The following CHCHD6 variants were observed in gnomAD, a reference collection of about 807,000 sequenced individuals.
CHCHD6 encodes the protein coiled-coil-helix-coiled-coil-helix domain containing 6.
Under a neutral mutation model 32.3 loss-of-function variants are expected in CHCHD6, and 28 were observed. The observed-to-expected ratio is 0.87, with a 90% CI of 0.64 to 1.19. The LOEUF is 1.19. CHCHD6 is among the 50% of genes most tolerant of loss of function. CHCHD6 has a pLI of 0.00. For missense variants in CHCHD6, 333 were observed against 307.0 expected, an observed-to-expected ratio of 1.08 and a Z score of -0.63; for synonymous variants, 122 against 117.5, an observed-to-expected ratio of 1.04 and a Z score of -0.25.
chr3:126,807,114 G>T (rs1939428101), intron 4 of CHCHD6, among the ~76,000 whole-genome samples: 2 of 150,250 alleles, frequency 1.3e-5, no homozygotes, highest in African/African-American at 2.5e-5. Flanking sequence ...GGAGTTAATG[G>T]GTGCAGCACA....
At chr3:126,720,875 C>T (rs1488952123) in intron 1 of CHCHD6, among the ~76,000 whole-genome samples, 3 of 152,206 alleles carry the variant, frequency 2.0e-5, no homozygotes, top group Non-Finnish European at 4.4e-5. Flanking sequence ...CTCCCATACA[C>T]TGACTCACTC....
At chr3:126,767,093 G>A in intron 4 of CHCHD6, 1 of 1,285,430 alleles carries the variant, frequency 7.8e-7, no homozygotes, top group South Asian at 1.2e-5. Flanking sequence ...CCGTGCCCGG[G>A]CGATGAACTT....
At chr3:126,911,159 G>A (rs1005521937) in intron 5 of CHCHD6, among the ~76,000 whole-genome samples, 7 of 152,208 alleles carry the variant, frequency 4.6e-5, no homozygotes, top group African/African-American at 1.7e-4. Flanking sequence ...GTGCCCCACA[G>A]CACCTGGGAG....
At chr3:126,763,580 A>C (rs1347526227) in intron 4 of CHCHD6, among the ~76,000 whole-genome samples, 1 of 152,032 alleles carries the variant, frequency 6.6e-6, no homozygotes, top group Non-Finnish European at 1.5e-5. Flanking sequence ...GCCTCAAGTG[A>C]TCCTCTTGCC....
At chr3:126,935,689 C>G (rs1361188501) in intron 6 of CHCHD6, among the ~76,000 whole-genome samples, 2 of 152,164 alleles carry the variant, frequency 1.3e-5, no homozygotes, top group African/African-American at 4.8e-5. Context: ...TAATACAAAG[C>G]TTGAGGCTAG....
At chr3:126,840,796 A>G (rs558914279) in intron 4 of CHCHD6, among the ~76,000 whole-genome samples, 3 of 152,110 alleles carry the variant, frequency 2.0e-5, no homozygotes, top group Admixed American at 1.3e-4. Flanking sequence ...CTTCACTGCA[A>G]CCTCTTGAAA....
intron 5 of CHCHD6, among the ~76,000 whole-genome samples, chr3:126,856,146 A>AC (rs1351281831): frequency 6.6e-6 from 1 of 152,064 alleles, no homozygotes; most frequent in Non-Finnish European, 1.5e-5. Flanking sequence ...AAACAAACAA[A>AC]AAAAATCACA....
intron 4 of CHCHD6, among the ~76,000 whole-genome samples, chr3:126,737,418 A>ATATT (rs1426914783): frequency 1.4e-5 from 2 of 147,512 alleles, no homozygotes; most frequent in East Asian, 2.0e-4. Flanking sequence ...ATATATATAT[A>ATATT]TGCACACAAA....
chr3:126,842,692 G>C (rs897069421), intron 4 of CHCHD6, among the ~76,000 whole-genome samples: 20 of 151,922 alleles, frequency 1.3e-4, no homozygotes, highest in African/African-American at 3.6e-4. Flanking sequence ...TTTAAACGTA[G>C]AACTTTTATT....
intron 5 of CHCHD6, among the ~76,000 whole-genome samples, chr3:126,861,013 T>C (rs1046432570): frequency 1.3e-5 from 2 of 152,176 alleles, no homozygotes; most frequent in African/African-American, 4.8e-5. Flanking sequence ...ACTGGCCTTA[T>C]AGAGATGATG....
intron 1 of CHCHD6, among the ~76,000 whole-genome samples, chr3:126,723,230 C>CTATTAT (rs140780577): frequency 6.6e-6 from 1 of 151,820 alleles, no homozygotes; most frequent in Admixed American, 6.6e-5. Context: ...TACAGGGACT[C>CTATTAT]TATTATTATT....
At chr3:126,783,716 A>G (rs1236820330) in intron 4 of CHCHD6, among the ~76,000 whole-genome samples, 2 of 150,166 alleles carry the variant, frequency 1.3e-5, no homozygotes, top group Non-Finnish European at 2.9e-5. Context: ...ATGTTTTTCC[A>G]TTAGTGAGGC....
chr3:126,863,938 TCCACCATCA>T lies in CHCHD6; in HGVS notation c.495+11214_495+11222del, dbSNP rs145812554. On this transcript the variant is annotated intron_variant, in intron 5 of 7. Coordinates refer to ENST00000290913, the MANE Select transcript of CHCHD6 (RefSeq NM_032343.3). ...CTCCACCATCGACACCTCCTCCTTC[TCCACCATCA>T]CCACCTCCTCCTCCACCATCACCAC... Among the ~76,000 whole-genome samples the T allele has an allele frequency of 7.5e-3, 864 of 115,886 alleles. 13 individuals are homozygous for T. Among genetic ancestry groups the T allele is most frequent in the African/African-American group, 0.028 (800 of 28,852 alleles). 76.0% of individuals were successfully genotyped at this position (115,886 alleles called of 152,430 possible).
chr3:126,765,579 A>G (rs963830635), intron 4 of CHCHD6, among the ~76,000 whole-genome samples: 2 of 152,248 alleles, frequency 1.3e-5, no homozygotes, highest in African/African-American at 4.8e-5. Context: ...AGGGGAAAAA[A>G]GGAGACCAAA....
At chr3:126,865,587 TAC>T in intron 5 of CHCHD6, 1 of 985,310 alleles carries the variant, frequency 1.0e-6, no homozygotes, top group African/African-American at 1.7e-5. Context: ...CCTCTTCCTC[TAC>T]CACCTCCACA....
intron 4 of CHCHD6, among the ~76,000 whole-genome samples, chr3:126,757,054 C>T (rs73201771): frequency 5.1e-4 from 77 of 152,274 alleles, no homozygotes; most frequent in Middle Eastern, 3.4e-3. Context: ...AACAACCACA[C>T]GCGTATTTGT....
chr3:126,762,012 A>G (rs1334208548), intron 4 of CHCHD6, among the ~76,000 whole-genome samples: 1 of 151,810 alleles, frequency 6.6e-6, no homozygotes, highest in Non-Finnish European at 1.5e-5. Context: ...TTTATTTCTT[A>G]TTTTAGGTAT....
At chr3:126,867,876 G>A (rs1942340290) in intron 5 of CHCHD6, among the ~76,000 whole-genome samples, 3 of 152,136 alleles carry the variant, frequency 2.0e-5, no homozygotes, top group Admixed American at 2.0e-4. Context: ...CTATGATCTG[G>A]CATCCACCTG....
chr3:126,913,339 C>T (rs1180438781), intron 5 of CHCHD6, among the ~76,000 whole-genome samples: 4 of 148,332 alleles, frequency 2.7e-5, no homozygotes, highest in East Asian at 2.0e-4. Flanking sequence ...AAGCGATTCT[C>T]ATGCCTCAGC....
Sources: gnomAD v4.1 joint callset for allele counts (sites outside exome capture counted in the v4.1 genomes callset) on GRCh38, gnomAD v4.1.1 for gene constraint, MANE v1.5 for transcripts, NCBI Gene and HGNC (gene_info 2026-07-23, HGNC 2026-07-21) for gene names.